COL23A1: variants seen among roughly 807,000 people sequenced by gnomAD.
COL23A1 encodes collagen alpha-1(XXIII) chain.
In COL23A1, 97 loss-of-function variants were observed where a neutral mutation model predicts 99.3. The ratio of observed to expected loss-of-function variants is 0.98; its 90% CI spans 0.83 to 1.16. The LOEUF is 1.16. Ranked by LOEUF, COL23A1 falls within the 50% of genes most tolerant of loss-of-function variation. The pLI is 0.00. For missense variants in COL23A1, 762 were observed against 757.4 expected (o/e 1.01, Z -0.07); for synonymous variants, 320 against 308.2 (o/e 1.04, Z -0.40).
intron 19 of COL23A1, among the ~76,000 whole-genome samples, chr5:178,248,526 C>A (rs1282107444): frequency 2.0e-5 from 3 of 152,162 alleles, no homozygotes; most frequent in East Asian, 3.9e-4. Flanking sequence ...CGGGGTCAAA[C>A]CCCAGTGCCC....
At chr5:178,549,047 G>C (rs1265954901) in intron 2 of COL23A1, among the ~76,000 whole-genome samples, 1 of 152,090 alleles carries the variant, frequency 6.6e-6, no homozygotes, top group Admixed American at 6.5e-5. Context: ...CCAGGCTGGA[G>C]TGCAATGGCA....
At chr5:178,238,992 T>C (rs1343162334) in intron 28 of COL23A1, 149 bp downstream of exon 28, 2 of 940,114 alleles carry the variant, frequency 2.1e-6, no homozygotes, top group South Asian at 1.4e-5. Context: ...ACCAGGGTCA[T>C]GATGGGAAAC....
intron 2 of COL23A1, among the ~76,000 whole-genome samples, chr5:178,354,631 T>C (rs957780251): frequency 2.6e-5 from 4 of 152,226 alleles, no homozygotes; most frequent in African/African-American, 9.6e-5. Context: ...CTCTCTCTCC[T>C]GCTCTGCCAT....
intron 12 of COL23A1, among the ~76,000 whole-genome samples, chr5:178,258,459 C>G (rs1489545619): frequency 1.4e-5 from 2 of 142,642 alleles, no homozygotes; most frequent in African/African-American, 2.6e-5. Context: ...TGCAGTGGCA[C>G]AATCTCGGCT....
At chr5:178,502,681 G>A (rs1163060697) in intron 2 of COL23A1, among the ~76,000 whole-genome samples, 1 of 152,224 alleles carries the variant, frequency 6.6e-6, no homozygotes, top group African/African-American at 2.4e-5. Context: ...ACGTTAGGAT[G>A]TTTGGAAAAC....
At chr5:178,567,239 G>A (rs1263412558) in intron 1 of COL23A1, among the ~76,000 whole-genome samples, 2 of 152,166 alleles carry the variant, frequency 1.3e-5, no homozygotes, top group African/African-American at 4.8e-5. Context: ...TACCCTAGTA[G>A]TAACAAGCAC....
At chr5:178,437,129 C>G (rs1008427014) in intron 2 of COL23A1, among the ~76,000 whole-genome samples, 3 of 152,150 alleles carry the variant, frequency 2.0e-5, no homozygotes, top group African/African-American at 7.2e-5. Flanking sequence ...CTGGTGGGAG[C>G]AAGCCTCGGC....
At position 178,255,735 on chromosome 5, in the gene COL23A1, A is replaced by G; in HGVS notation, c.882+618T>C. ...CCGTCCCCAGTCACAGCCTGCCCAG[A>G]ACTGCCTGGCTCACTGGCTGCCTAA... On this transcript the variant is annotated intron_variant, in intron 15 of 28. Coordinates refer to ENST00000390654, the MANE Select transcript of COL23A1 (RefSeq NM_173465.4). This position sits in a 1 kb window ranked among gnomAD's most constrained non-coding sequence, Gnocchi z 4.2. The G allele has an allele frequency of 3.8e-6, 1 of 263,978 alleles. No individual in the cohort carries two copies. Among genetic ancestry groups the G allele is most frequent in the South Asian group, 3.0e-5 (1 of 32,842 alleles). The allele number at this position is 263,978 out of a possible 1,614,324, so 16.4% of individuals were successfully genotyped here.
At chr5:178,329,961 A>G (rs992905129) in intron 2 of COL23A1, among the ~76,000 whole-genome samples, 7 of 151,526 alleles carry the variant, frequency 4.6e-5, no homozygotes, top group Non-Finnish European at 1.0e-4. Context: ...AAGAAGAAAG[A>G]AAGGCTCACA....
chr5:178,241,994 G>C, intron 27 of COL23A1, 48 bp downstream of exon 27: 1 of 1,445,470 alleles, frequency 6.9e-7, no homozygotes, highest in Non-Finnish European at 9.5e-7. Context: ...GGCTGACCCT[G>C]GCTGGAGGCC....
rs1009621058 is a variant in COL23A1 at position 178,577,194 on chromosome 5, G to C, written c.294+12710C>G. Among the ~76,000 whole-genome samples the C allele has an allele frequency of 3.9e-5, 6 of 152,308 alleles. No individual in the cohort carries two copies. The South Asian group carries it at 1.2e-3, about 32-fold the overall frequency. On this transcript the variant is annotated intron_variant, in intron 1 of 28. Transcript: ENST00000390654. ...GGATCCCGCGGGTGGTCCGGAGCCC[G>C]GGGCGCGGCGCGCCGTTCATTCCCG...
At position 178,440,272 on chromosome 5, in the gene COL23A1, G is replaced by A. The variant is rs75504343; in HGVS notation, c.361+120410C>T. On this transcript the variant is annotated intron_variant, in intron 2 of 28. Transcript: ENST00000390654. ...CCACCATCTGCAGATTTGCCTTTCC[G>A]GGACCAACTCCCCAGGACCCAAGCC... Among the ~76,000 whole-genome samples, 499 of 152,108 alleles carry A rather than the reference G, an allele frequency of 3.3e-3. 7 individuals carry two copies. The highest frequency in any genetic ancestry group is 5.7e-3 in the Non-Finnish European group (390 of 67,998).
intron 2 of COL23A1, among the ~76,000 whole-genome samples, chr5:178,446,604 C>T (rs1019815927): frequency 3.9e-5 from 6 of 152,016 alleles, no homozygotes; most frequent in South Asian, 2.1e-4. Context: ...TGATAGCCAC[C>T]GCTGTCATAG....
chr5:178,398,402 G>A (rs575549859), intron 2 of COL23A1, among the ~76,000 whole-genome samples: 153 of 152,316 alleles, frequency 1.0e-3, no homozygotes, highest in Non-Finnish European at 1.7e-3. Context: ...CGACGCAGGC[G>A]GATCACATTG....
chr5:178,283,400 C>T (rs931584193), intron 5 of COL23A1, among the ~76,000 whole-genome samples: 2 of 152,216 alleles, frequency 1.3e-5, no homozygotes, highest in African/African-American at 4.8e-5. Flanking sequence ...GCTTTTTCCT[C>T]TGCCGGGATC....
At chr5:178,465,183 G>A (rs1374709894) in intron 2 of COL23A1, among the ~76,000 whole-genome samples, 4 of 152,142 alleles carry the variant, frequency 2.6e-5, no homozygotes, top group African/African-American at 4.8e-5. Flanking sequence ...GCGTGTACAC[G>A]GAACCCATCA....
In COL23A1 at chr5:178,308,422, C is replaced by T. The variant is rs1354978751; in HGVS notation, c.362-1503G>A. Among the ~76,000 whole-genome samples, 1 of 152,136 alleles carries T rather than the reference C, an allele frequency of 6.6e-6. No individual in the cohort carries two copies. The highest frequency in any genetic ancestry group is 1.5e-5 in the Non-Finnish European group (1 of 68,006). On this transcript the variant is annotated intron_variant, in intron 2 of 28. Transcript: ENST00000390654. The surrounding 1 kb of genome is among the most constrained non-coding windows in gnomAD (Gnocchi z 5.1). ...TAAGGGCAAAAGTGCATGCCAGGGA[C>T]GTAGCCCTTGGTTTTCTCCCATCCT...
chr5:178,253,414 C>T (rs980973674), intron 16 of COL23A1, among the ~76,000 whole-genome samples: 4 of 152,162 alleles, frequency 2.6e-5, no homozygotes, highest in African/African-American at 9.7e-5. Context: ...CTCCCTGCTC[C>T]AACACCTGCT....
chr5:178,243,654 C>T (rs555490318), intron 25 of COL23A1, among the ~76,000 whole-genome samples: 1 of 152,110 alleles, frequency 6.6e-6, no homozygotes, highest in Non-Finnish European at 1.5e-5. Flanking sequence ...GCTGTTCTAT[C>T]ACAGGTGGGG....
Sources: allele counts gnomAD v4.1 joint callset (sites outside exome capture counted in the v4.1 genomes callset), GRCh38; gene constraint gnomAD v4.1.1; non-coding constraint Gnocchi (gnomAD v3.1); transcripts MANE v1.5; gene names NCBI Gene and HGNC (gene_info 2026-07-23, HGNC 2026-07-21).